The following ELP1 variants were observed in gnomAD, a reference collection of about 807,000 sequenced individuals.
ELP1 encodes elongator acetyltransferase complex subunit 1.
In ELP1, 131 loss-of-function variants were observed where a neutral mutation model predicts 183.2. The ratio of observed to expected loss-of-function variants is 0.72; its 90% CI spans 0.62 to 0.83. The LOEUF (loss-of-function observed/expected upper bound fraction) is 0.83. Ranked by LOEUF, ELP1 falls within the 40% of genes least tolerant of loss-of-function variation. The probability of loss-of-function intolerance (pLI) is 0.00; values close to 1 mark genes in which losing one functional copy is unlikely to be tolerated. For synonymous variants in ELP1, 555 were observed against 569.0 expected (o/e 0.98, Z 0.35); for missense variants, 1,550 against 1,594.9 (o/e 0.97, Z 0.48).
At chr9:108,928,548 T>C (rs1829892123) in intron 3 of ELP1, among the ~76,000 whole-genome samples, 1 of 151,878 alleles carries the variant, frequency 6.6e-6, no homozygotes, top group Admixed American at 6.6e-5. Context: ...AACTAAAACA[T>C]AAGGTTTACG....
chr9:108,906,526 C>T (rs779399016), intron 13 of ELP1, 41 bp from the exon 14 acceptor site: 2 of 1,556,028 alleles, frequency 1.3e-6, no homozygotes, highest in African/African-American at 1.4e-5. Flanking sequence ...ATGAATAAAA[C>T]TTAAAAACCA....
At chr9:108,877,358 A>G (rs1163700403) in intron 35 of ELP1, among the ~76,000 whole-genome samples, 1 of 152,216 alleles carries the variant, frequency 6.6e-6, no homozygotes, top group Non-Finnish European at 1.5e-5. Context: ...CTGTGATAAA[A>G]TAATAGATAG....
Position 108,900,790 on chromosome 9 carries a change from C to G in ELP1, c.2015-415G>C, listed in dbSNP as rs928037635. On this transcript the variant is annotated intron_variant, in intron 18 of 36. Transcript: ENST00000374647. ...CATACACGCCACACACACATACACGCCACACACACATACACGCCACACACA... is the reference window on the plus strand; with the variant it reads ...CATACACGCCACACACACATACACGGCACACACACATACACGCCACACACA... Among the ~76,000 whole-genome samples the G allele has an allele frequency of 5.5e-5, 8 of 146,154 alleles. 1 individual carries two copies. Among genetic ancestry groups the G allele is most frequent in the African/African-American group, 2.0e-4 (8 of 39,244 alleles).
chr9:108,907,036 C>T (rs901319908), intron 13 of ELP1, among the ~76,000 whole-genome samples: 7 of 152,150 alleles, frequency 4.6e-5, no homozygotes, highest in African/African-American at 1.4e-4. Context: ...GTGGCAAATC[C>T]GCAGCTCCCA....
chr9:108,919,272 A>G lies in ELP1; in HGVS notation c.630T>C (p.Ser210=). The G allele has an allele frequency of 6.2e-7, 1 of 1,613,374 alleles. No individual in the cohort carries two copies. The highest frequency in any genetic ancestry group is 8.5e-7 in the Non-Finnish European group (1 of 1,179,392). ...CCATACCTGTTTCTGGGCAAACAAC[A>G]CTCACAGCAAAAAACTGTCCATCCC... ...WRGDGQFFAV[S]VVCPETGARK... The change falls in exon 7 of 37, where the codon AGT becomes AGC. Residue 210 remains serine, a synonymous_variant. Coordinates refer to ENST00000374647, the MANE Select transcript of ELP1 (RefSeq NM_003640.5).
chr9:108,874,994 A>G, intron 35 of ELP1, 24 bp from the exon 36 acceptor site: 27 of 1,507,984 alleles, frequency 1.8e-5, no homozygotes, highest in Non-Finnish European at 2.3e-5. Flanking sequence ...AGACTGTATC[A>G]GCAAAGATTA....
chr9:108,914,770 C>T lies in ELP1; in HGVS notation c.958+1434G>A, dbSNP rs907945480. On this transcript the variant is annotated intron_variant, in intron 10 of 36. Transcript: ENST00000374647. ...CCTCCTGAGTAGCTGGGACTACAGGCGCCTGCCACCACGCCCAGCTAATTT... is the reference window on the plus strand; with the variant it reads ...CCTCCTGAGTAGCTGGGACTACAGGTGCCTGCCACCACGCCCAGCTAATTT... 1.6e-4 allele frequency among the ~76,000 whole-genome samples: 25 copies of T among 152,156 alleles called. 1 individual carries two copies. The highest frequency in any genetic ancestry group is 1.6e-3 in the Admixed American group (25 of 15,296).
intron 31 of ELP1, among the ~76,000 whole-genome samples, chr9:108,880,719 C>T (rs1053869407): frequency 5.3e-5 from 8 of 152,214 alleles, no homozygotes; most frequent in African/African-American, 1.7e-4. Context: ...GATGAATTAT[C>T]GGCATTTATC....
At chr9:108,929,736 G>C (rs760829156) in intron 3 of ELP1, 33 bp downstream of exon 3, 2 of 1,609,856 alleles carry the variant, frequency 1.2e-6, no homozygotes, top group African/African-American at 1.3e-5. Flanking sequence ...GAGGATGCTT[G>C]AGACTCCCCC....
rs537888003 is a variant in ELP1, at chr9:108,867,838, A to C, written c.*1277T>G. On this transcript the variant is annotated 3_prime_UTR_variant, in exon 37 of 37. Transcript: ENST00000374647. ...ATACTCCTAGATTGATTCTATAGTT[A>C]ACATCTTGCTATACTGGGAAAGGCT... 1.3e-4 allele frequency: 20 copies of C among 152,378 alleles called. No individual in the cohort carries two copies. Among genetic ancestry groups the C allele is most frequent in the Non-Finnish European group, 2.8e-4 (19 of 68,042 alleles). 9.4% of individuals were successfully genotyped at this position (152,378 alleles called of 1,614,324 possible).
At chr9:108,872,434 G>T (rs956996102) in intron 36 of ELP1, among the ~76,000 whole-genome samples, 1 of 152,072 alleles carries the variant, frequency 6.6e-6, no homozygotes, top group Non-Finnish European at 1.5e-5. Flanking sequence ...CTGAAAAAAG[G>T]CTACTTAAAT....
At chr9:108,932,682 T>C (rs761455193) in intron 1 of ELP1, among the ~76,000 whole-genome samples, 5 of 152,088 alleles carry the variant, frequency 3.3e-5, no homozygotes, top group South Asian at 4.2e-4. Flanking sequence ...GCCTCAAAAC[T>C]AGTTTCTCTG....
chr9:108,878,069 C>G lies in ELP1; in HGVS notation c.3781G>C (p.Asp1261His). 1.2e-6 allele frequency: 2 copies of G among 1,613,822 alleles called. No homozygotes were observed. The highest frequency in any genetic ancestry group is 1.7e-6 in the Non-Finnish European group (2 of 1,179,702). Reference sequence around the variant, plus strand: ...GACCTTTCCATCAACTGCAGCGTATCTTCAAAGGCCTTCTGTAATTCCCTT... The same window carrying G: ...GACCTTTCCATCAACTGCAGCGTATGTTCAAAGGCCTTCTGTAATTCCCTT... ...QGRELQKAFE[D>H]TLQLMERSLP... The change falls in exon 35 of 37, where the codon GAT becomes CAT. Residue 1261 changes from aspartate (D) to histidine (H), a missense_variant. Transcript: ENST00000374647.
intron 7 of ELP1, among the ~76,000 whole-genome samples, 159 bp downstream of exon 7, chr9:108,919,094 C>T (rs144773044): frequency 6.5e-4 from 99 of 152,288 alleles, no homozygotes; most frequent in African/African-American, 2.2e-3. Context: ...AAGGACTCTT[C>T]TAATTCTTAA....
intron 9 of ELP1, among the ~76,000 whole-genome samples, 187 bp from the exon 10 acceptor site, chr9:108,916,484 T>TA (rs36030896): frequency 2.0e-5 from 3 of 151,822 alleles, no homozygotes; most frequent in African/African-American, 4.8e-5. Flanking sequence ...GTAGAGGACT[T>TA]AAAAAAAAGA....
intron 8 of ELP1, among the ~76,000 whole-genome samples, chr9:108,918,519 T>C (rs574362242): frequency 1.6e-4 from 25 of 152,256 alleles, no homozygotes; most frequent in African/African-American, 6.0e-4. Flanking sequence ...GCTTCATATA[T>C]ACCCTGCCTT....
chr9:108,903,744 A>C, intron 14 of ELP1, 75 bp from the exon 15 acceptor site: 1 of 1,078,670 alleles, frequency 9.3e-7, no homozygotes, highest in South Asian at 1.3e-5. Context: ...TGATTTTGAA[A>C]ATCAACAATT....
chr9:108,901,752 A>G, intron 16 of ELP1, 71 bp from the exon 17 acceptor site: 1 of 1,381,310 alleles, frequency 7.2e-7, no homozygotes. Context: ...TTTCTATCAC[A>G]TAGTTCTACC....
chr9:108,896,183 G>T, intron 25 of ELP1, among the ~76,000 whole-genome samples: 1 of 152,126 alleles, frequency 6.6e-6, no homozygotes, highest in Non-Finnish European at 1.5e-5. Context: ...CGTGAACACG[G>T]GAGGTGGAAC....
Sources: allele counts gnomAD v4.1 joint callset (sites outside exome capture counted in the v4.1 genomes callset), GRCh38; gene constraint gnomAD v4.1.1; transcripts MANE v1.5; gene names NCBI Gene and HGNC (gene_info 2026-07-23, HGNC 2026-07-21).